ATP2B4: variants seen among roughly 807,000 people sequenced by gnomAD.
ATP2B4 encodes plasma membrane calcium-transporting ATPase 4.
A neutral mutation model predicts 110.3 loss-of-function variants in ATP2B4; 39 were observed. The ratio of observed to expected loss-of-function variants is 0.35; its 90% CI spans 0.27 to 0.46. ATP2B4 has a LOEUF of 0.46. ATP2B4 is among the 20% of genes least tolerant of loss of function. The probability of loss-of-function intolerance (pLI) is 1.00; values close to 1 mark genes in which losing one functional copy is unlikely to be tolerated. For missense variants in ATP2B4, 1,135 were observed against 1,530.9 expected (o/e 0.74, Z 4.32); for synonymous variants, 538 against 571.7 (o/e 0.94, Z 0.84).
At chr1:203,657,396 C>T (rs1433511458) in intron 1 of ATP2B4, 6 of 751,114 alleles carry the variant, frequency 8.0e-6, no homozygotes, top group African/African-American at 3.5e-5. Flanking sequence ...AGGGACTTCC[C>T]GTTTTCCCAC....
In ATP2B4 at chr1:203,733,152, C is replaced by G. The variant is rs561645141; in HGVS notation, c.3309+5581C>G. 41 of 1,447,796 alleles carry G rather than the reference C, an allele frequency of 2.8e-5. No individual in the cohort carries two copies. In the African/African-American group the frequency reaches 3.8e-4, roughly 13 times the overall value. 89.7% of individuals were successfully genotyped at this position (1,447,796 alleles called of 1,614,324 possible). The stretch of plus-strand genomic sequence containing the variant: ...TGCTTCCCCAACCTTCCATGACCCT[C>G]CCTTCCTCTTTCTTCACCTCTCTCG... On this transcript the variant is annotated intron_variant, in intron 20 of 20. Transcript: ENST00000357681.
Position 203,712,009 on chromosome 1 carries a change from T to C in ATP2B4, c.2081T>C (p.Met694Thr). The change falls in exon 13 of 21, where the codon ATG (methionine) becomes ACG (threonine). Residue 694 changes from methionine (M) to threonine (T), a missense_variant. This residue lies in a region of ATP2B4 where 368 missense variants were observed against 455.9 expected (regional missense o/e 0.81). Coordinates refer to ENST00000357681, the MANE Select transcript of ATP2B4 (RefSeq NM_001684.5). ...AAACAAGCTGGCATTACTGTCAGAA[T>C]GGTGACAGGTGACAACATCAACACA... is the stretch of plus-strand genomic sequence containing the variant. ...KCKQAGITVR[M>T]VTGDNINTAR... 1 of 1,614,144 alleles carries C rather than the reference T, an allele frequency of 6.2e-7. No homozygotes were observed. Among genetic ancestry groups the C allele is most frequent in the Non-Finnish European group, 8.5e-7 (1 of 1,180,000 alleles).
Position 203,709,307 on chromosome 1 carries a change from G to A in ATP2B4, c.1564G>A (p.Glu522Lys), listed in dbSNP as rs760280399. ...SAYTSKILPP[E>K]KEGGLPRQVG... Reference sequence around the variant, plus strand: ...TGTATATTTCTTCTCCCAGCCTCCAGAGAAGGAGGGAGGCCTGCCTCGGCA... The same window carrying A: ...TGTATATTTCTTCTCCCAGCCTCCAAAGAAGGAGGGAGGCCTGCCTCGGCA... The change falls in exon 11 of 21, where the codon GAG becomes AAG. Residue 522 changes from glutamate (E) to lysine (K), a missense_variant. Coordinates refer to ENST00000357681, the MANE Select transcript of ATP2B4 (RefSeq NM_001684.5). 2.5e-6 allele frequency: 4 copies of A among 1,614,216 alleles called. No individual in the cohort carries two copies. The highest frequency in any genetic ancestry group is 2.5e-6 in the Non-Finnish European group (3 of 1,180,026).
chr1:203,739,614 C>A lies in ATP2B4; in HGVS notation c.3378C>A (p.Ser1126=). ...TTCAGAAACCCTACAACCAAAAGTC[C>A]ATCCACAGCTTCATGACCCACCCTG... ...ESIQKPYNQK[S]IHSFMTHPEF... The change falls in exon 21 of 21, where the codon TCC becomes TCA. Residue 1126 remains serine (S), a synonymous_variant. Coordinates refer to ENST00000357681, the MANE Select transcript of ATP2B4 (RefSeq NM_001684.5). The A allele has an allele frequency of 6.2e-7, 1 of 1,614,084 alleles. No homozygotes were observed. Among genetic ancestry groups the A allele is most frequent in the Non-Finnish European group, 8.5e-7 (1 of 1,180,008 alleles).
intron 1 of ATP2B4, among the ~76,000 whole-genome samples, chr1:203,655,120 C>T (rs942385179): frequency 1.2e-4 from 18 of 152,070 alleles, no homozygotes; most frequent in African/African-American, 3.9e-4. Context: ...CATGATAAAA[C>T]TTGAACAAAT....
Position 203,656,952 on chromosome 1 carries a change from T to C in ATP2B4, c.-464-25790T>C, listed in dbSNP as rs559101386. 8.7e-6 allele frequency: 6 copies of C among 689,782 alleles called. No homozygotes were observed. In the South Asian group the frequency reaches 9.3e-5, roughly 11 times the overall value. The allele number at this position is 689,782 out of a possible 1,614,324, so 42.7% of individuals were successfully genotyped here. A position where few individuals can be genotyped will look rare whatever the true frequency, so the allele number is the denominator to read the frequency against. On this transcript the variant is annotated intron_variant, in intron 1 of 20. Coordinates refer to ENST00000357681, the MANE Select transcript of ATP2B4 (RefSeq NM_001684.5). ...GTTGGTGTGTAGTCCCCAATAATTA[T>C]ATATGAAATTGCTGTCAAACCAGTA...
intron 1 of ATP2B4, among the ~76,000 whole-genome samples, chr1:203,654,985 C>T (rs550810868): frequency 6.6e-6 from 1 of 151,750 alleles, no homozygotes; most frequent in African/African-American, 2.4e-5. Flanking sequence ...TTGATTCCAA[C>T]CCTCATGGCT....
At chr1:203,667,675 A>G (rs1354596571) in intron 1 of ATP2B4, among the ~76,000 whole-genome samples, 1 of 152,232 alleles carries the variant, frequency 6.6e-6, no homozygotes, top group Non-Finnish European at 1.5e-5. Flanking sequence ...CCACAGCCTT[A>G]GACGGCAAAG....
chr1:203,643,503 C>G (rs1262003884), intron 1 of ATP2B4, among the ~76,000 whole-genome samples: 1 of 152,232 alleles, frequency 6.6e-6, no homozygotes, highest in African/African-American at 2.4e-5. Context: ...CCAGCACACA[C>G]CCACGCAGAG....
intron 1 of ATP2B4, among the ~76,000 whole-genome samples, chr1:203,659,986 G>A (rs890006621): frequency 6.6e-6 from 1 of 151,918 alleles, no homozygotes; most frequent in Non-Finnish European, 1.5e-5. Context: ...GGAGGCTGAG[G>A]CAGGAGAATC....
intron 2 of ATP2B4, among the ~76,000 whole-genome samples, chr1:203,690,684 G>T (rs1387872702): frequency 6.6e-6 from 1 of 152,088 alleles, no homozygotes; most frequent in Non-Finnish European, 1.5e-5. Flanking sequence ...CTTTCTTTGT[G>T]CCCTCTGCCC....
intron 15 of ATP2B4, among the ~76,000 whole-genome samples, chr1:203,715,291 T>A (rs1466666905): frequency 1.4e-5 from 2 of 140,730 alleles, no homozygotes; most frequent in Admixed American, 7.1e-5. Flanking sequence ...CAAAAGAGAT[T>A]CCCCCTCATT....
chr1:203,700,288 C>T lies in ATP2B4; in HGVS notation c.732C>T (p.Asp244=). 2 of 1,613,974 alleles carry T rather than the reference C, an allele frequency of 1.2e-6. No individual in the cohort carries two copies. The highest frequency in any genetic ancestry group is 1.7e-6 in the Non-Finnish European group (2 of 1,179,918). The part of the protein sequence containing the change: ...IDESSLTGES[D]HVKKSLDKDP... ...AGAGCTCTCTGACAGGGGAATCTGA[C>T]CATGTCAAGAAGTCCCTGGACAAAG... Residue 244 remains aspartate (D), a synonymous_variant, in exon 5 of 21, where the codon GAC becomes GAT. Coordinates refer to ENST00000357681, the MANE Select transcript of ATP2B4 (RefSeq NM_001684.5).
At chr1:203,704,979 C>T (rs548104450) in intron 8 of ATP2B4, among the ~76,000 whole-genome samples, 22 of 152,282 alleles carry the variant, frequency 1.4e-4, no homozygotes, top group Admixed American at 2.0e-4. Flanking sequence ...ATGCCAGCAC[C>T]GCTGATTCAG....
intron 1 of ATP2B4, among the ~76,000 whole-genome samples, chr1:203,641,608 G>A (rs1663631398): frequency 6.6e-6 from 1 of 152,160 alleles, no homozygotes; most frequent in Non-Finnish European, 1.5e-5. Context: ...CCTGCTTTGT[G>A]CCAGCCGATT....
chr1:203,677,081 A>T (rs1311630282), intron 1 of ATP2B4, among the ~76,000 whole-genome samples: 3 of 152,050 alleles, frequency 2.0e-5, no homozygotes, highest in East Asian at 1.9e-4. Context: ...AATTCAGATT[A>T]GGGCACAAAT....
chr1:203,692,287 C>T (rs1197835761), intron 2 of ATP2B4, among the ~76,000 whole-genome samples: 9 of 152,164 alleles, frequency 5.9e-5, no homozygotes, highest in Non-Finnish European at 1.0e-4. Context: ...AGGCCATCCT[C>T]CTGCCTCAAC....
At chr1:203,724,496 G>A (rs998533343) in intron 19 of ATP2B4, among the ~76,000 whole-genome samples, 2 of 150,794 alleles carry the variant, frequency 1.3e-5, no homozygotes, top group Non-Finnish European at 2.9e-5. Flanking sequence ...CAGCCTGGGC[G>A]ACAGAGCAAG....
intron 20 of ATP2B4, chr1:203,728,219 T>G: frequency 2.1e-6 from 1 of 469,976 alleles, no homozygotes; most frequent in Non-Finnish European, 4.4e-6. Context: ...GCCTCTTCCC[T>G]TCTTGCAATT....
Sources: allele counts gnomAD v4.1 joint callset (sites outside exome capture counted in the v4.1 genomes callset), GRCh38; gene constraint gnomAD v4.1.1; regional missense constraint gnomAD v4.1.1; transcripts MANE v1.5; gene names NCBI Gene and HGNC (gene_info 2026-07-23, HGNC 2026-07-21).